RNF213: variants seen among roughly 807,000 people sequenced by gnomAD.
RNF213 encodes the protein E3 ubiquitin-protein ligase RNF213.
Under a neutral mutation model 514.4 loss-of-function variants are expected in RNF213, and 341 were observed. That is an observed-to-expected ratio of 0.66 (90% CI 0.61 to 0.73). RNF213 has a LOEUF of 0.73. Among genes scored for constraint, RNF213 ranks in the 30% least tolerant of loss-of-function variants. The pLI, the probability that RNF213 is intolerant of heterozygous loss-of-function variation, is 0.00. For synonymous variants in RNF213, 2,655 were observed against 2,658.2 expected (o/e 1.00, Z 0.04); for missense variants, 5,767 against 6,615.6 (o/e 0.87, Z 4.45).
Position 80,346,843 on chromosome 17 carries a change from G to GT in RNF213, c.8509dup (p.Tyr2837LeufsTer9), listed in dbSNP as rs754288362. ...TTCAGCAGGGGAAGGACCTGCAGCA[G>GT]TACGTCTCTGTGGTGGTGTTAGATG... On this transcript the variant is annotated frameshift_variant, in exon 29 of 68. Coordinates refer to ENST00000582970, the MANE Select transcript of RNF213 (RefSeq NM_001256071.3). LOFTEE classifies it high-confidence loss of function. This position sits in a 1 kb window ranked among gnomAD's most constrained non-coding sequence, Gnocchi z 8.1. The GT allele has an allele frequency of 6.2e-7, 1 of 1,614,060 alleles. No homozygotes were observed. Among genetic ancestry groups the GT allele is most frequent in the African/African-American group, 1.3e-5 (1 of 74,922 alleles).
chr17:80,355,208 G>A (rs530587557), intron 36 of RNF213: 171 of 456,006 alleles, frequency 3.7e-4, no homozygotes, highest in South Asian at 2.2e-3. Context: ...AAAAGACAGC[G>A]GACTCCTCCA....
chr17:80,345,184 G>A lies in RNF213; in HGVS notation c.6849G>A (p.Gly2283=), dbSNP rs2078269625. The change falls in exon 29 of 68, where the codon GGG becomes GGA. Residue 2283 remains glycine (G), a synonymous_variant. Coordinates refer to ENST00000582970, the MANE Select transcript of RNF213 (RefSeq NM_001256071.3). This position sits in a 1 kb window ranked among gnomAD's most constrained non-coding sequence, Gnocchi z 6.0. Reference sequence around the variant, plus strand: ...GGAAGCACATGGTCACCATGGATGGGGTTAGGGAAGAAGATCTAGCGCCCT... The same window carrying A: ...GGAAGCACATGGTCACCATGGATGGAGTTAGGGAAGAAGATCTAGCGCCCT... The part of the protein sequence containing the change: ...SPGKHMVTMD[G]VREEDLAPFS... 1.2e-6 allele frequency: 2 copies of A among 1,614,124 alleles called. No individual in the cohort carries two copies. Among genetic ancestry groups the A allele is most frequent in the Non-Finnish European group, 1.7e-6 (2 of 1,180,030 alleles).
At chr17:80,351,473 G>A (rs1423544377) in intron 31 of RNF213, among the ~76,000 whole-genome samples, 1 of 152,228 alleles carries the variant, frequency 6.6e-6, no homozygotes, top group Non-Finnish European at 1.5e-5. Context: ...GAGCCGCTAA[G>A]AGAAGATTTC....
Position 80,390,106 on chromosome 17 carries a change from A to G in RNF213, c.15380A>G (p.Asp5127Gly), listed in dbSNP as rs752669448. Residue 5127 changes from aspartate to glycine, a missense_variant, in exon 67 of 68, where the codon GAC becomes GGC. This residue lies in a region of RNF213 where 1,245 missense variants were observed against 1,339.0 expected (regional missense o/e 0.93). Transcript: ENST00000582970. The part of the protein sequence containing the change: ...LSTFLNQTGL[D>G]AFLLELHEMI... ...ACATTCCTAAATCAGACTGGCCTAG[A>G]CGCCTTCCTGCTAGAGCTGCACGAA... The G allele has an allele frequency of 1.4e-5, 22 of 1,614,174 alleles. No individual in the cohort carries two copies. The highest frequency in any genetic ancestry group is 1.8e-5 in the Non-Finnish European group (21 of 1,180,028).
intron 25 of RNF213, 98 bp from the exon 26 acceptor site, chr17:80,339,103 G>C (rs930068998): frequency 9.8e-7 from 1 of 1,020,812 alleles, no homozygotes. Flanking sequence ...CCTGTGGACA[G>C]GGCCGTCTTT....
At chr17:80,313,854 GTGA>G (rs2045693843) in intron 15 of RNF213, among the ~76,000 whole-genome samples, 2 of 131,622 alleles carry the variant, frequency 1.5e-5, no homozygotes, top group Non-Finnish European at 3.2e-5. Flanking sequence ...GGTACTGGAG[GTGA>G]TGGTGGTGGT....
chr17:80,344,559 A>AT lies in RNF213; in HGVS notation c.6343-115dup, dbSNP rs1269497546. ...AAAAAGACTATACAGAAAGCTACAT[A>AT]TTTTCAGTGCGTTTTTCATAAAGGT... On this transcript the variant is annotated intron_variant, in intron 28 of 67. Transcript: ENST00000582970. The AT allele has an allele frequency of 2.7e-6, 3 of 1,109,432 alleles. No homozygotes were observed. The African/African-American group carries it at 4.7e-5, about 17-fold the overall frequency. The allele number at this position is 1,109,432 out of a possible 1,614,324, so 68.7% of individuals were successfully genotyped here.
At chr17:80,375,939 A>C in intron 51 of RNF213, 69 bp downstream of exon 51, 1 of 1,161,942 alleles carries the variant, frequency 8.6e-7, no homozygotes, top group Non-Finnish European at 1.3e-6. Context: ...AATAGAATGA[A>C]AGTTATCAAC....
rs765773812 is a variant in RNF213 at position 80,358,441 on chromosome 17, G to C, written c.11016G>C (p.Thr3672=). ...TTTGGATGTTTATTTTCAGTGACAC[G>C]ATGCTTCTGAACATTCCTCTTGTGA... is the stretch of plus-strand genomic sequence containing the variant. The part of the protein sequence containing the change: ...RDLWMFIFSD[T]MLLNIPLVMN... The change falls in exon 37 of 68, where the codon ACG becomes ACC. Residue 3672 remains threonine, a synonymous_variant. Coordinates refer to ENST00000582970, the MANE Select transcript of RNF213 (RefSeq NM_001256071.3). The C allele has an allele frequency of 1.2e-6, 2 of 1,614,112 alleles. No homozygotes were observed. The highest frequency in any genetic ancestry group is 1.7e-6 in the Non-Finnish European group (2 of 1,179,980).
chr17:80,357,489 A>G (rs1479841607), intron 36 of RNF213, among the ~76,000 whole-genome samples: 1 of 152,016 alleles, frequency 6.6e-6, no homozygotes, highest in Non-Finnish European at 1.5e-5. Context: ...CCAGATAAAC[A>G]TGTGCCTTCT....
chr17:80,390,184 G>A lies in RNF213; in HGVS notation c.15458G>A (p.Arg5153His), dbSNP rs528073196. 13 of 1,613,928 alleles carry A rather than the reference G, an allele frequency of 8.1e-6. No homozygotes were observed. The highest frequency in any genetic ancestry group is 6.7e-5 in the East Asian group (3 of 44,876). ...NPQTQTEERFRPQWSLRDTLV... is the reference protein window; with the variant it reads ...NPQTQTEERFHPQWSLRDTLV... ...CAAACCCAAACCGAGGAGCGCTTCC[G>A]CCCTCAGTGGAGGTATGGATTTGCA... The change falls in exon 67 of 68, where the codon CGC becomes CAC. Residue 5153 changes from arginine to histidine, a missense_variant. Physicochemically the swap from Arg to His is conservative, Grantham distance 29. Transcript: ENST00000582970.
Position 80,277,783 on chromosome 17 carries a change from G to A in RNF213, c.261+4379G>A, listed in dbSNP as rs138689611. Among the ~76,000 whole-genome samples, 624 of 152,270 alleles carry A rather than the reference G, an allele frequency of 4.1e-3. 7 individuals carry two copies. Among genetic ancestry groups the A allele is most frequent in the African/African-American group, 0.014 (587 of 41,542 alleles). ...AGCTGAGAGCAGTGTATGCGTGAAC[G>A]GTGCTCTAAGCGCAGACGCCGCATT... On this transcript the variant is annotated intron_variant, in intron 3 of 67. Transcript: ENST00000582970.
At chr17:80,279,798 G>A (rs997121730) in intron 3 of RNF213, among the ~76,000 whole-genome samples, 7 of 152,148 alleles carry the variant, frequency 4.6e-5, no homozygotes, top group Non-Finnish European at 5.9e-5. Context: ...TAGCATTTAG[G>A]AGTATTACAG....
chr17:80,385,293 G>A (rs1220311095), intron 60 of RNF213, 122 bp downstream of exon 60: 1 of 1,260,878 alleles, frequency 7.9e-7, no homozygotes, highest in African/African-American at 1.5e-5. Flanking sequence ...TATAGCCTAA[G>A]CCCTTACCAT....
chr17:80,341,384 T>C (rs980901661), intron 26 of RNF213: 2 of 152,198 alleles, frequency 1.3e-5, no homozygotes, highest in Non-Finnish European at 2.9e-5. Context: ...TAAAAAGAAA[T>C]AGTAGCTTCT....
intron 37 of RNF213, among the ~76,000 whole-genome samples, chr17:80,359,618 AAGT>A (rs1317178144): frequency 6.6e-6 from 1 of 151,590 alleles, no homozygotes; most frequent in African/African-American, 2.4e-5. Context: ...GAGAGAAAGA[AAGT>A]AAAGAAAGAA....
chr17:80,313,808 A>ACTGG (rs2045686097), intron 15 of RNF213, among the ~76,000 whole-genome samples: 3 of 16,038 alleles, frequency 1.9e-4, no homozygotes, highest in Non-Finnish European at 4.0e-4. Context: ...TGGTGGAGGT[A>ACTGG]ATGGAGGTGA....
rs1409562153 is a variant in RNF213 at position 80,396,084 on chromosome 17, G to A, written c.*2586G>A. The A allele has an allele frequency of 6.6e-6, 1 of 152,130 alleles. No individual in the cohort carries two copies. Among genetic ancestry groups the A allele is most frequent in the Non-Finnish European group, 1.5e-5 (1 of 68,046 alleles). The allele number at this position is 152,130 out of a possible 1,614,324, so 9.4% of individuals were successfully genotyped here. On this transcript the variant is annotated 3_prime_UTR_variant, in exon 68 of 68. Coordinates refer to ENST00000582970, the MANE Select transcript of RNF213 (RefSeq NM_001256071.3). ...GATTTACCTGAAAATCTTCACAACT[G>A]ATCATTATCTCCTTCTCTTTGAGAC...
At chr17:80,373,261 C>CACACCCCACCCCCT in intron 49 of RNF213, 96 bp downstream of exon 49, 2 of 968,628 alleles carry the variant, frequency 2.1e-6, no homozygotes, top group South Asian at 3.0e-5. Context: ...CCTACCCCCC[C>CACACCCCACCCCCT]CACACCCCAC....
Sources: gnomAD v4.1 joint callset for allele counts (sites outside exome capture counted in the v4.1 genomes callset) on GRCh38, gnomAD v4.1.1 for gene constraint, gnomAD v4.1.1 regional missense constraint, Gnocchi (gnomAD v3.1) non-coding constraint, MANE v1.5 for transcripts, NCBI Gene and HGNC (gene_info 2026-07-23, HGNC 2026-07-21) for gene names.